FLYWCH2: variants seen among roughly 807,000 people sequenced by gnomAD.
The protein encoded by FLYWCH2 is FLYWCH family member 2.
A neutral mutation model predicts 6.0 loss-of-function variants in FLYWCH2; 2 were observed. The observed-to-expected ratio is 0.33, with a 90% CI of 0.14 to 1.04. The LOEUF is 1.04. Ranked by LOEUF, FLYWCH2 falls within the 50% of genes least tolerant of loss-of-function variation. FLYWCH2 has a pLI of 0.45. For missense variants in FLYWCH2, 192 were observed against 183.4 expected (o/e 1.05, Z -0.27); for synonymous variants, 87 against 79.3 (o/e 1.10, Z -0.52).
chr16:2,887,301 A>C (rs970334198), intron 1 of FLYWCH2, among the ~76,000 whole-genome samples: 3 of 139,222 alleles, frequency 2.2e-5, no homozygotes, highest in Non-Finnish European at 4.6e-5. Context: ...GCACACCACC[A>C]TGCCCGGCTT....
chr16:2,896,339 C>T lies in FLYWCH2; in HGVS notation c.-98-13C>T. The T allele has an allele frequency of 7.3e-7, 1 of 1,373,062 alleles. No homozygotes were observed. The highest frequency in any genetic ancestry group is 9.6e-7 in the Non-Finnish European group (1 of 1,039,810). 85.1% of individuals were successfully genotyped at this position (1,373,062 alleles called of 1,614,324 possible). The stretch of plus-strand genomic sequence containing the variant: ...GGCTTCCACCACTGACGGGATTTTG[C>T]TTCCTTCCTTAGGACGGAACCGCTG... On this transcript the variant is annotated splice_polypyrimidine_tract_variant and intron_variant, in intron 2 of 3. Coordinates refer to ENST00000396958, the MANE Select transcript of FLYWCH2 (RefSeq NM_138439.3).
rs180707151 is a variant in FLYWCH2, at chr16:2,894,767, G to C, written c.-199-453G>C. ...TGTTTAGTGGTCAGAGGACTACAGA[G>C]GGAAGCTCTCAGGACAAGGCCCCCA... On this transcript the variant is annotated intron_variant, in intron 1 of 3. Coordinates refer to ENST00000396958, the MANE Select transcript of FLYWCH2 (RefSeq NM_138439.3). Among the ~76,000 whole-genome samples, 3 of 152,232 alleles carry C rather than the reference G, an allele frequency of 2.0e-5. No individual in the cohort carries two copies. In the East Asian group the frequency reaches 5.8e-4, roughly 29 times the overall value.
intron 1 of FLYWCH2, among the ~76,000 whole-genome samples, chr16:2,888,565 A>T (rs1214233198): frequency 6.6e-6 from 1 of 150,992 alleles, no homozygotes; most frequent in Non-Finnish European, 1.5e-5. Context: ...AACAATATCA[A>T]GTCTTCCAAT....
intron 1 of FLYWCH2, among the ~76,000 whole-genome samples, chr16:2,884,572 A>AAAAAAAAAC (rs1361317929): frequency 6.8e-6 from 1 of 146,138 alleles, no homozygotes; most frequent in African/African-American, 2.5e-5. Flanking sequence ...AAAAAAAAAA[A>AAAAAAAAAC]AAAAATACAA....
intron 1 of FLYWCH2, among the ~76,000 whole-genome samples, chr16:2,886,308 G>A (rs1028213999): frequency 6.6e-6 from 1 of 151,770 alleles, no homozygotes; most frequent in East Asian, 1.9e-4. Flanking sequence ...CTCATGCTGC[G>A]CAGCCTCCTG....
chr16:2,889,561 A>G (rs890224001), intron 1 of FLYWCH2, among the ~76,000 whole-genome samples: 2 of 152,056 alleles, frequency 1.3e-5, no homozygotes, highest in African/African-American at 4.8e-5. Context: ...TAAAAAAAAA[A>G]AACAACCTGA....
chr16:2,888,433 TG>T (rs1446243794), intron 1 of FLYWCH2, among the ~76,000 whole-genome samples: 1 of 149,300 alleles, frequency 6.7e-6, no homozygotes, highest in African/African-American at 2.5e-5. Context: ...TTTGCTATTC[TG>T]GGTTCCTTGA....
chr16:2,894,061 TGAAA>T (rs2069789991), intron 1 of FLYWCH2, among the ~76,000 whole-genome samples: 3 of 152,022 alleles, frequency 2.0e-5, no homozygotes, highest in Non-Finnish European at 2.9e-5. Context: ...GTTTTGTCAT[TGAAA>T]GCAATGGCAA....
chr16:2,886,051 T>C (rs1206937653), intron 1 of FLYWCH2, among the ~76,000 whole-genome samples: 2 of 152,198 alleles, frequency 1.3e-5, no homozygotes, highest in Non-Finnish European at 2.9e-5. Flanking sequence ...TGAAGTGATA[T>C]CTCATTGTGG....
chr16:2,896,624 C>T lies in FLYWCH2; in HGVS notation c.175C>T (p.Arg59Cys), dbSNP rs770341502. 1.9e-6 allele frequency: 3 copies of T among 1,613,924 alleles called. No individual in the cohort carries two copies. The highest frequency in any genetic ancestry group is 1.1e-5 in the South Asian group (1 of 91,084). Residue 59 changes from arginine (R) to cysteine (C), a missense_variant, in exon 3 of 4, where the codon CGC (arginine) becomes TGC (cysteine). Arg to Cys is a radical substitution (Grantham distance 180). Transcript: ENST00000396958. Reference sequence around the variant, plus strand: ...CAGCACCAAGGTGGCGGGGGCCAAGCGCAAGGGTGTGCACTGTGTCATGTC... The same window carrying T: ...CAGCACCAAGGTGGCGGGGGCCAAGTGCAAGGGTGTGCACTGTGTCATGTC... ...KDSTKVAGAK[R>C]KGVHCVMSLG...
At chr16:2,897,971 C>T (rs1235765895) in intron 3 of FLYWCH2, among the ~76,000 whole-genome samples, 6 of 152,044 alleles carry the variant, frequency 3.9e-5, no homozygotes, top group African/African-American at 1.2e-4. Flanking sequence ...CAGGTGGTCC[C>T]CTGGGGTCAG....
intron 2 of FLYWCH2, among the ~76,000 whole-genome samples, chr16:2,896,012 C>T (rs1350139756): frequency 6.6e-6 from 1 of 152,220 alleles, no homozygotes; most frequent in Non-Finnish European, 1.5e-5. Context: ...GGACTGGAAA[C>T]AGTCCTCAGG....
At chr16:2,895,170 C>T (rs76148227) in intron 1 of FLYWCH2, 50 bp from the exon 2 acceptor site, 15,839 of 152,236 alleles carry the variant, frequency 0.1, 924 homozygotes, top group African/African-American at 0.15. Flanking sequence ...TGTGGGGTGG[C>T]CCGGCACTTG....
At chr16:2,888,317 G>T (rs1274244281) in intron 1 of FLYWCH2, among the ~76,000 whole-genome samples, 1 of 151,686 alleles carries the variant, frequency 6.6e-6, no homozygotes, top group Non-Finnish European at 1.5e-5. Context: ...GCCTGTGTCG[G>T]TCTTTATGCC....
At chr16:2,895,692 G>A (rs889293096) in intron 2 of FLYWCH2, among the ~76,000 whole-genome samples, 6 of 152,248 alleles carry the variant, frequency 3.9e-5, no homozygotes, top group African/African-American at 1.4e-4. Context: ...GGATCTGGTT[G>A]TCCCACCTGC....
At chr16:2,897,201 C>A (rs1480022032) in intron 3 of FLYWCH2, among the ~76,000 whole-genome samples, 1 of 152,202 alleles carries the variant, frequency 6.6e-6, no homozygotes, top group Non-Finnish European at 1.5e-5. Context: ...TTAGTAACAT[C>A]CACTGAACAG....
chr16:2,898,462 C>T (rs1385552522), intron 3 of FLYWCH2, among the ~76,000 whole-genome samples: 1 of 152,156 alleles, frequency 6.6e-6, no homozygotes, highest in East Asian at 1.9e-4. Context: ...AGCGAAGTCG[C>T]CACTCTGAGG....
chr16:2,897,107 A>T (rs2069832321), intron 3 of FLYWCH2, among the ~76,000 whole-genome samples: 1 of 152,196 alleles, frequency 6.6e-6, no homozygotes, highest in Non-Finnish European at 1.5e-5. Flanking sequence ...CTGTTCGATG[A>T]GGGTCTCTAA....
chr16:2,887,364 T>C (rs536724469), intron 1 of FLYWCH2, among the ~76,000 whole-genome samples: 20 of 145,418 alleles, frequency 1.4e-4, no homozygotes, highest in Non-Finnish European at 2.7e-4. Context: ...TCTCGCCATG[T>C]TGCCCAGGCT....
Sources: allele counts gnomAD v4.1 joint callset (sites outside exome capture counted in the v4.1 genomes callset), GRCh38; gene constraint gnomAD v4.1.1; transcripts MANE v1.5; gene names NCBI Gene and HGNC (gene_info 2026-07-23, HGNC 2026-07-21).